The following ENKUR variants were observed in gnomAD, a reference collection of about 807,000 sequenced individuals.
The protein encoded by ENKUR is enkurin.
In ENKUR, 19 loss-of-function variants were observed where a neutral mutation model predicts 27.6. The ratio of observed to expected loss-of-function variants is 0.69; its 90% CI spans 0.48 to 1.01. ENKUR has a LOEUF of 1.01. ENKUR is among the 50% of genes least tolerant of loss of function. The probability of loss-of-function intolerance (pLI) is 0.00; values close to 1 mark genes in which losing one functional copy is unlikely to be tolerated. For missense variants in ENKUR, 312 were observed against 310.5 expected, an observed-to-expected ratio of 1.00 and a Z score of -0.04; for synonymous variants, 117 against 96.9, an observed-to-expected ratio of 1.21 and a Z score of -1.22.
At chr10:24,994,149 T>C (rs2132683120) in intron 3 of ENKUR, among the ~76,000 whole-genome samples, 1 of 152,290 alleles carries the variant, frequency 6.6e-6, no homozygotes, top group East Asian at 1.9e-4. Flanking sequence ...GGATTTATCA[T>C]GGTAGATCAC....
chr10:24,984,152 C>T lies in ENKUR; in HGVS notation c.*218G>A, dbSNP rs1849727327. 1.4e-5 allele frequency: 6 copies of T among 433,856 alleles called. No homozygotes were observed. Among genetic ancestry groups the T allele is most frequent in the East Asian group, 6.9e-5 (2 of 28,886 alleles). The allele number at this position is 433,856 out of a possible 1,614,324, so 26.9% of individuals were successfully genotyped here. ...TAAGTTGTCTTCTTAATTTTTCTTC[C>T]TCCAAATAGAAGCCTTTCATCATAT... On this transcript the variant is annotated 3_prime_UTR_variant, in exon 6 of 6. Transcript: ENST00000331161.
chr10:25,019,002 CT>C (rs1281713839), upstream of ENKUR, among the ~76,000 whole-genome samples: 1 of 152,132 alleles, frequency 6.6e-6, no homozygotes, highest in Non-Finnish European at 1.5e-5. Context: ...ACCCTCACCT[CT>C]GTTTCATGGC....
chr10:25,032,321 G>GT (rs375573693), intron 2 of ENKUR, among the ~76,000 whole-genome samples: 38 of 149,492 alleles, frequency 2.5e-4, no homozygotes, highest in Middle Eastern at 3.4e-3. Context: ...AGAAGGGGGG[G>GT]GGGCTATGAT....
chr10:25,058,801 C>T (rs890395257), intron 2 of ENKUR, among the ~76,000 whole-genome samples: 1 of 151,934 alleles, frequency 6.6e-6, no homozygotes, highest in Non-Finnish European at 1.5e-5. Context: ...TGTAGTGGCT[C>T]ATGCCTGTAG....
chr10:24,990,202 AG>A lies in ENKUR; in HGVS notation c.594+260del, dbSNP rs1251837857. ...ATGCATGTTCGTTGTAGAGGAAGGT[AG>A]GCTTCCTTACAACACTAGTTCAGGA... On this transcript the variant is annotated intron_variant, in intron 4 of 5. Coordinates refer to ENST00000331161, the MANE Select transcript of ENKUR (RefSeq NM_145010.4). Among the ~76,000 whole-genome samples, 8 of 152,246 alleles carry A rather than the reference AG, an allele frequency of 5.3e-5. 1 individual carries two copies. Among genetic ancestry groups the A allele is most frequent in the African/African-American group, 1.9e-4 (8 of 41,468 alleles).
At chr10:25,025,391 G>C (rs1353959542) in intron 2 of ENKUR, 5 of 1,614,084 alleles carry the variant, frequency 3.1e-6, no homozygotes, top group East Asian at 2.2e-5. Flanking sequence ...TACCAGGTCT[G>C]TGCAGCTGAT....
intron 2 of ENKUR, among the ~76,000 whole-genome samples, chr10:25,036,892 ATGGT>A (rs1180866841): frequency 7.9e-5 from 12 of 152,166 alleles, no homozygotes; most frequent in African/African-American, 2.4e-4. Context: ...TCAGGCTATG[ATGGT>A]GTTTTACACC....
chr10:25,031,307 G>A (rs917458307), intron 2 of ENKUR, among the ~76,000 whole-genome samples: 2 of 152,212 alleles, frequency 1.3e-5, no homozygotes, highest in Admixed American at 1.3e-4. Context: ...AGGCCATAAG[G>A]GTGCTAGACA....
At chr10:25,023,317 TTTC>T (rs775961384) in intron 2 of ENKUR, 1 of 1,614,156 alleles carries the variant, frequency 6.2e-7, no homozygotes, top group Admixed American at 1.7e-5. Context: ...TGCACAGCGA[TTTC>T]TTTCAAGAAC....
chr10:25,025,437 C>T (rs1162323540), intron 2 of ENKUR: 2 of 1,602,718 alleles, frequency 1.2e-6, no homozygotes, highest in Middle Eastern at 3.3e-4. Flanking sequence ...AACAACTTGT[C>T]CAAAATCAAT....
intron 1 of ENKUR, among the ~76,000 whole-genome samples, chr10:25,002,161 C>A (rs767127660): frequency 1.3e-5 from 2 of 152,288 alleles, no homozygotes; most frequent in Admixed American, 1.3e-4. Flanking sequence ...CTACTCAATG[C>A]CCTGTGTATT....
chr10:25,036,862 TG>T (rs1332940062), intron 2 of ENKUR, among the ~76,000 whole-genome samples: 55 of 152,336 alleles, frequency 3.6e-4, no homozygotes, highest in African/African-American at 1.3e-3. Flanking sequence ...AATTGCCTGC[TG>T]GTCCTTTCCT....
chr10:25,007,219 T>C (rs1282946936), intron 1 of ENKUR, among the ~76,000 whole-genome samples: 1 of 152,194 alleles, frequency 6.6e-6, no homozygotes, highest in Non-Finnish European at 1.5e-5. Flanking sequence ...TTGCTTAAGA[T>C]ATTAAACCTT....
chr10:24,995,885 T>C lies in ENKUR; in HGVS notation c.224-16A>G, dbSNP rs1850042686. The C allele has an allele frequency of 1.3e-6, 2 of 1,584,178 alleles. No individual in the cohort carries two copies. Among genetic ancestry groups the C allele is most frequent in the Non-Finnish European group, 1.7e-6 (2 of 1,166,566 alleles). On this transcript the variant is annotated splice_polypyrimidine_tract_variant and intron_variant, in intron 2 of 5. Transcript: ENST00000331161. ...AAGTTTTTTTCTGTTAAATATAACA[T>C]TTCTTTGTTAATATTAAACTACAAA...
intron 2 of ENKUR, among the ~76,000 whole-genome samples, chr10:25,056,767 T>C (rs1187124903): frequency 6.6e-6 from 1 of 152,226 alleles, no homozygotes; most frequent in Non-Finnish European, 1.5e-5. Context: ...GCCTGTGTCA[T>C]ATCATTGGGG....
At chr10:25,061,430 C>T in intron 1 of ENKUR, 1 of 366,962 alleles carries the variant, frequency 2.7e-6, no homozygotes, top group Non-Finnish European at 4.9e-6. Context: ...CAAACTGAAT[C>T]TCTTCCTCCT....
At position 25,007,036 on chromosome 10, in the gene ENKUR, A is replaced by G. The variant is rs1850326721; in HGVS notation, c.78-7490T>C. Among the ~76,000 whole-genome samples, 3 of 152,346 alleles carry G rather than the reference A, an allele frequency of 2.0e-5. No individual in the cohort carries two copies. The South Asian group carries it at 6.2e-4, about 32-fold the overall frequency. On this transcript the variant is annotated intron_variant, in intron 1 of 5. Coordinates refer to ENST00000331161, the MANE Select transcript of ENKUR (RefSeq NM_145010.4). ...GAATATTGGATATCCATCCTGATAA[A>G]ACGTTTAAAAATTGAAACTGTTTAA...
intron 4 of ENKUR, among the ~76,000 whole-genome samples, chr10:24,989,436 C>A (rs111829019): frequency 0.024 from 3,723 of 152,234 alleles, 149 homozygotes; most frequent in African/African-American, 0.084. Context: ...CATTTTCAGG[C>A]CCAGCTAACG....
At chr10:25,040,135 G>A (rs1851046954) in intron 2 of ENKUR, among the ~76,000 whole-genome samples, 1 of 151,946 alleles carries the variant, frequency 6.6e-6, no homozygotes, top group African/African-American at 2.4e-5. Flanking sequence ...CCCAAAAGCA[G>A]AAGCAGAAGC....
Sources: allele counts gnomAD v4.1 joint callset (sites outside exome capture counted in the v4.1 genomes callset), GRCh38; gene constraint gnomAD v4.1.1; transcripts MANE v1.5; gene names NCBI Gene and HGNC (gene_info 2026-07-23, HGNC 2026-07-21).